Variants in CD22 observed in about 807,000 individuals in gnomAD.
CD22 encodes the protein B-cell receptor CD22.
CD22 carries 51 observed loss-of-function variants against 94.7 expected under a neutral mutation model. The ratio of observed to expected loss-of-function variants is 0.54; its 90% CI spans 0.43 to 0.68. The LOEUF is 0.68. Ranked by LOEUF, CD22 falls within the 30% of genes least tolerant of loss-of-function variation. The probability of loss-of-function intolerance (pLI) is 0.00; values close to 1 mark genes in which losing one functional copy is unlikely to be tolerated. For synonymous variants in CD22, 424 were observed against 422.5 expected (o/e 1.00, Z -0.04); for missense variants, 931 against 1,060.4 (o/e 0.88, Z 1.69).
chr19:35,331,997 A>C (rs776606638), intron 1 of CD22, 22 bp from the exon 2 acceptor site: 8 of 1,613,634 alleles, frequency 5.0e-6, no homozygotes, highest in Non-Finnish European at 6.8e-6. Context: ...GATGGCTCAA[A>C]GACAAACTCT....
intron 9 of CD22, among the ~76,000 whole-genome samples, chr19:35,342,212 C>A (rs775837701): frequency 6.6e-6 from 1 of 151,846 alleles, no homozygotes; most frequent in Admixed American, 6.6e-5. Context: ...CTCTGTCACC[C>A]AGGCTGGAGT....
At chr19:35,329,710 G>A (rs562862764) in intron 1 of CD22, 73 of 160,772 alleles carry the variant, frequency 4.5e-4, no homozygotes, top group African/African-American at 1.6e-3. Context: ...ATGCTGGGAT[G>A]CTCCAGCCCG....
chr19:35,341,965 T>A lies in CD22; in HGVS notation c.2035T>A (p.Tyr679Asn). ...GCCTCTCAGCACCCTCACCGTCTAC[T>A]GTAAGGCCTCTTCCTGCTCTTGTTC... ...RSPLSTLTVY[Y>N]SPETIGRRVA... Residue 679 changes from tyrosine to asparagine, a missense_variant and splice_region_variant, in exon 9 of 14, where the codon TAT becomes AAT. By Grantham distance (143) the Tyr-to-Asn change is moderately radical (BLOSUM62 -2). Transcript: ENST00000085219. The surrounding 1 kb of genome is among the most constrained non-coding windows in gnomAD (Gnocchi z 4.0). 6.2e-7 allele frequency: 1 copy of A among 1,609,620 alleles called. No individual in the cohort carries two copies. Among genetic ancestry groups the A allele is most frequent in the Admixed American group, 1.7e-5 (1 of 59,764 alleles).
intron 12 of CD22, 33 bp from the exon 13 acceptor site, chr19:35,346,118 C>T (rs1436901719): frequency 5.2e-6 from 8 of 1,526,100 alleles, no homozygotes; most frequent in Non-Finnish European, 6.4e-6. Flanking sequence ...GGAGATGCTT[C>T]ATGCGTGGTC....
rs140059592 is a variant in CD22 at position 35,341,692 on chromosome 19, C to G, written c.1772-10C>G. 3 of 1,607,580 alleles carry G rather than the reference C, an allele frequency of 1.9e-6. No individual in the cohort carries two copies. Among genetic ancestry groups the G allele is most frequent in the Non-Finnish European group, 2.5e-6 (3 of 1,177,288 alleles). ...TGACTTCGCACCCCCTCCCCCTGCC[C>G]GCCATGCAGATGCACCCAGGAGGCT... is the stretch of plus-strand genomic sequence containing the variant. On this transcript the variant is annotated splice_polypyrimidine_tract_variant and intron_variant, in intron 8 of 13. Coordinates refer to ENST00000085219, the MANE Select transcript of CD22 (RefSeq NM_001771.4). The surrounding 1 kb of genome is among the most constrained non-coding windows in gnomAD (Gnocchi z 4.0).
chr19:35,346,746 A>G lies in CD22; in HGVS notation c.*49A>G. ...CACTGGGGGCAGCGGGGGCCAGGGA[A>G]GTCCCCGAGTTTCCCCAGACACCGC... On this transcript the variant is annotated 3_prime_UTR_variant, in exon 14 of 14. Coordinates refer to ENST00000085219, the MANE Select transcript of CD22 (RefSeq NM_001771.4). The G allele has an allele frequency of 6.5e-7, 1 of 1,536,914 alleles. No individual in the cohort carries two copies.
chr19:35,339,817 C>T (rs2066780991), intron 6 of CD22, among the ~76,000 whole-genome samples: 1 of 152,108 alleles, frequency 6.6e-6, no homozygotes, highest in African/African-American at 2.4e-5. Flanking sequence ...GATCATGTCA[C>T]TGCACTCTAG....
chr19:35,332,752 A>G lies in CD22; in HGVS notation c.240A>G (p.Thr80=). The G allele has an allele frequency of 6.2e-7, 1 of 1,614,210 alleles. No individual in the cohort carries two copies. The highest frequency in any genetic ancestry group is 8.5e-7 in the Non-Finnish European group (1 of 1,180,038). Residue 80 remains threonine (T), a synonymous_variant, in exon 3 of 14, where the codon ACA becomes ACG. Coordinates refer to ENST00000085219, the MANE Select transcript of CD22 (RefSeq NM_001771.4). ...KFDGTRLYES[T]KDGKVPSEQK... ...ATGGGACAAGACTCTATGAAAGCAC[A>G]AAGGATGGGAAGGTTCCTTCTGAGC...
chr19:35,342,007 G>GCTTCCT (rs2066817909), intron 9 of CD22, 42 bp downstream of exon 9: 2 of 1,022,834 alleles, frequency 2.0e-6, no homozygotes, highest in East Asian at 5.3e-5. Context: ...GTGGTGGTCA[G>GCTTCCT]TCCTTCCTTC....
chr19:35,342,012 T>TCCTTCCTTCCTC (rs2066818921), intron 9 of CD22, 47 bp downstream of exon 9: 1 of 450,820 alleles, frequency 2.2e-6, no homozygotes. Flanking sequence ...GGTCAGTCCT[T>TCCTTCCTTCCTC]CCTTCCTTCC....
intron 2 of CD22, 84 bp downstream of exon 2, chr19:35,332,158 C>T (rs1261524507): frequency 5.3e-6 from 8 of 1,515,976 alleles, no homozygotes; most frequent in South Asian, 4.5e-5. Context: ...GGCAGAGAGG[C>T]GTCAACATAG....
At chr19:35,340,758 C>A (rs1045923451) in intron 6 of CD22, 123 bp from the exon 7 acceptor site, 2 of 1,031,198 alleles carry the variant, frequency 1.9e-6, no homozygotes, top group Non-Finnish European at 2.9e-6. Context: ...CACAAGCCCC[C>A]CTTTGATTAA....
intron 11 of CD22, 32 bp downstream of exon 11, chr19:35,345,158 C>T (rs1426178875): frequency 6.3e-7 from 1 of 1,598,102 alleles, no homozygotes; most frequent in Admixed American, 1.7e-5. Flanking sequence ...TGGCTCATGC[C>T]TGTAATCCCA....
At chr19:35,338,076 C>T (rs1005102808) in intron 5 of CD22, 55 bp downstream of exon 5, 27 of 1,576,306 alleles carry the variant, frequency 1.7e-5, no homozygotes, top group South Asian at 3.6e-5. Context: ...GGGGTGGACC[C>T]GGAGAGGGGA....
intron 2 of CD22, 147 bp downstream of exon 2, chr19:35,332,221 G>A: frequency 1.2e-6 from 1 of 822,388 alleles, no homozygotes; most frequent in Non-Finnish European, 2.0e-6. Flanking sequence ...AAATATATAT[G>A]TTTCCCATAT....
chr19:35,333,406 G>A (rs527695407), intron 3 of CD22, among the ~76,000 whole-genome samples: 11 of 152,262 alleles, frequency 7.2e-5, no homozygotes, highest in East Asian at 1.9e-4. Flanking sequence ...GGTGTGGAAC[G>A]GAGTAACCAC....
Position 35,346,226 on chromosome 19 carries a change from G to A in CD22, c.2403G>A (p.Lys801=), listed in dbSNP as rs749871533. The A allele has an allele frequency of 1.9e-6, 3 of 1,613,766 alleles. No homozygotes were observed. Among genetic ancestry groups the A allele is most frequent in the Non-Finnish European group, 2.5e-6 (3 of 1,179,666 alleles). The part of the protein sequence containing the change: ...DDTVTYSALH[K]RQVGDYENVI... ...CGGTCACTTATTCAGCATTGCACAA[G>A]CGCCAAGTGGTAAGGAGGGTCTCCC... Residue 801 remains lysine (K), a synonymous_variant, in exon 13 of 14, where the codon AAG becomes AAA. Transcript: ENST00000085219.
At position 35,341,775 on chromosome 19, in the gene CD22, C is replaced by T. The variant is rs770522620; in HGVS notation, c.1845C>T (p.Thr615=). ...TGGAGGGGAAGAGTGCAACCCTGACCTGTGAGAGCGACGCCAACCCTCCCG... is the reference window on the plus strand; with the variant it reads ...TGGAGGGGAAGAGTGCAACCCTGACTTGTGAGAGCGACGCCAACCCTCCCG... The part of the protein sequence containing the change: ...QVMEGKSATL[T]CESDANPPVS... Residue 615 remains threonine, a synonymous_variant, in exon 9 of 14, where the codon ACC becomes ACT. Transcript: ENST00000085219. This position sits in a 1 kb window ranked among gnomAD's most constrained non-coding sequence, Gnocchi z 4.0. 5 of 1,612,998 alleles carry T rather than the reference C, an allele frequency of 3.1e-6. No individual in the cohort carries two copies. In the Admixed American group the frequency reaches 8.3e-5, roughly 27 times the overall value.
At chr19:35,330,094 T>C (rs778642987) in intron 1 of CD22, among the ~76,000 whole-genome samples, 3 of 152,100 alleles carry the variant, frequency 2.0e-5, no homozygotes, top group East Asian at 1.9e-4. Flanking sequence ...GGAGGCCAAG[T>C]TGGGGGGATC....
Sources: gnomAD v4.1 joint callset for allele counts (sites outside exome capture counted in the v4.1 genomes callset) on GRCh38, gnomAD v4.1.1 for gene constraint, Gnocchi (gnomAD v3.1) non-coding constraint, MANE v1.5 for transcripts, NCBI Gene and HGNC (gene_info 2026-07-23, HGNC 2026-07-21) for gene names.